The following CNTNAP5 variants were observed in gnomAD, a reference collection of about 807,000 sequenced individuals.
The protein encoded by CNTNAP5 is contactin-associated protein-like 5.
CNTNAP5 carries 72 observed loss-of-function variants against 150.2 expected under a neutral mutation model. That is an observed-to-expected ratio of 0.48 (90% CI 0.40 to 0.58). The LOEUF (loss-of-function observed/expected upper bound fraction) is 0.58. CNTNAP5 is among the 20% of genes least tolerant of loss of function. The pLI is 0.00. For missense variants in CNTNAP5, 1,636 were observed against 1,626.2 expected (o/e 1.01, Z -0.10); for synonymous variants, 672 against 619.8 (o/e 1.08, Z -1.25).
intron 6 of CNTNAP5, among the ~76,000 whole-genome samples, chr2:124,450,877 T>A (rs1398082334): frequency 6.6e-6 from 1 of 150,760 alleles, no homozygotes; most frequent in Non-Finnish European, 1.5e-5. Context: ...AAAATATATA[T>A]GATTCAGGAG....
chr2:124,677,319 T>C (rs1413025303), intron 13 of CNTNAP5, among the ~76,000 whole-genome samples: 1 of 152,018 alleles, frequency 6.6e-6, no homozygotes, highest in Non-Finnish European at 1.5e-5. Flanking sequence ...CTGTGGTGAG[T>C]GTTACAGCTC....
In CNTNAP5 at chr2:124,778,874, C is replaced by T. The variant is rs75730405; in HGVS notation, c.2752+5857C>T. On this transcript the variant is annotated intron_variant, in intron 17 of 23. Transcript: ENST00000682447. ...AAAAAAAAAAGAGTTTCTTCTGAAC[C>T]TGGAAGAAAGGGATGTGGATTCAAA... Among the ~76,000 whole-genome samples, 115 of 152,060 alleles carry T rather than the reference C, an allele frequency of 7.6e-4. 1 individual carries two copies. The East Asian group carries it at 0.014, about 19-fold the overall frequency.
intron 13 of CNTNAP5, among the ~76,000 whole-genome samples, chr2:124,677,068 G>A (rs968605834): frequency 6.6e-6 from 1 of 152,156 alleles, no homozygotes; most frequent in African/African-American, 2.4e-5. Flanking sequence ...TAAAGCTGCA[G>A]ACCCTCGTGG....
rs568018757 is a variant in CNTNAP5 at position 124,545,000 on chromosome 2, C to T, written c.1649+17544C>T. On this transcript the variant is annotated intron_variant, in intron 10 of 23. Coordinates refer to ENST00000682447, the MANE Select transcript of CNTNAP5 (RefSeq NM_001367498.1). ...ACATCCTTGCAAAGAAGTGATTTAACGATTACTAGATCAAAATGTCAAAAA... is the reference window on the plus strand; with the variant it reads ...ACATCCTTGCAAAGAAGTGATTTAATGATTACTAGATCAAAATGTCAAAAA... Among the ~76,000 whole-genome samples, 36 of 152,114 alleles carry T rather than the reference C, an allele frequency of 2.4e-4. No individual in the cohort carries two copies. In the East Asian group the frequency reaches 3.7e-3, roughly 15 times the overall value.
At chr2:124,433,935 C>T (rs1050004909) in intron 4 of CNTNAP5, among the ~76,000 whole-genome samples, 1 of 152,118 alleles carries the variant, frequency 6.6e-6, no homozygotes, top group Non-Finnish European at 1.5e-5. Context: ...ATACATTTGC[C>T]CTCTTTGTTC....
intron 3 of CNTNAP5, among the ~76,000 whole-genome samples, chr2:124,352,577 T>A (rs1689897070): frequency 1.3e-5 from 2 of 152,224 alleles, no homozygotes; most frequent in Admixed American, 1.3e-4. Context: ...TTACATGACA[T>A]TTCTCAGCTT....
At chr2:124,105,981 T>G (rs1683163080) in intron 1 of CNTNAP5, among the ~76,000 whole-genome samples, 1 of 152,200 alleles carries the variant, frequency 6.6e-6, no homozygotes, top group South Asian at 2.1e-4. Context: ...TGCTTAAATC[T>G]TTTGTATATG....
At chr2:124,582,995 C>T (rs543826105) in intron 11 of CNTNAP5, among the ~76,000 whole-genome samples, 1 of 151,798 alleles carries the variant, frequency 6.6e-6, no homozygotes, top group African/African-American at 2.4e-5. Context: ...TTAAAAAAGG[C>T]TTTTTTTTCC....
Position 124,917,644 on chromosome 2 carries a change from G to A in CNTNAP5, c.*3356G>A, listed in dbSNP as rs953359236. 2.0e-5 allele frequency among the ~76,000 whole-genome samples: 3 copies of A among 151,972 alleles called. No individual in the cohort carries two copies. The highest frequency in any genetic ancestry group is 2.9e-5 in the Non-Finnish European group (2 of 67,978). ...TTTTGTCAGACTCATCTCCACCAAC[G>A]GGTAGCAAGAGCAGGATAGAACAAA... is the stretch of plus-strand genomic sequence containing the variant. On this transcript the variant is annotated 3_prime_UTR_variant, in exon 24 of 24. Transcript: ENST00000682447.
intron 1 of CNTNAP5, among the ~76,000 whole-genome samples, chr2:124,033,982 A>G (rs946724105): frequency 1.3e-5 from 2 of 151,974 alleles, no homozygotes; most frequent in African/African-American, 4.8e-5. Flanking sequence ...TAATGTTTTG[A>G]ATCTGGAAGG....
chr2:124,144,082 C>T (rs1251801918), intron 1 of CNTNAP5, among the ~76,000 whole-genome samples: 1 of 142,590 alleles, frequency 7.0e-6, no homozygotes, highest in Non-Finnish European at 1.5e-5. Context: ...ATCCAACTTA[C>T]AAGGGATGTG....
chr2:124,126,343 C>T (rs898974255), intron 1 of CNTNAP5, among the ~76,000 whole-genome samples: 4 of 152,170 alleles, frequency 2.6e-5, no homozygotes, highest in South Asian at 4.2e-4. Flanking sequence ...ATACACCCTC[C>T]CAAGACTAAA....
chr2:124,301,327 A>G (rs1688563580), intron 3 of CNTNAP5, among the ~76,000 whole-genome samples: 1 of 152,238 alleles, frequency 6.6e-6, no homozygotes, highest in African/African-American at 2.4e-5. Flanking sequence ...TTTGCGAACT[A>G]ACATTGCACT....
At chr2:124,184,744 G>C (rs1188017859) in intron 1 of CNTNAP5, among the ~76,000 whole-genome samples, 1 of 152,166 alleles carries the variant, frequency 6.6e-6, no homozygotes, top group Non-Finnish European at 1.5e-5. Flanking sequence ...GAGAGGCACA[G>C]CCTGAAGAGA....
At chr2:124,908,645 A>G (rs984303921) in intron 22 of CNTNAP5, among the ~76,000 whole-genome samples, 5 of 152,232 alleles carry the variant, frequency 3.3e-5, no homozygotes, top group African/African-American at 1.2e-4. Context: ...TAAAAGCCTC[A>G]GGCATTTTCT....
intron 19 of CNTNAP5, among the ~76,000 whole-genome samples, chr2:124,817,251 G>A (rs539694356): frequency 5.3e-5 from 8 of 152,300 alleles, no homozygotes; most frequent in African/African-American, 1.9e-4. Context: ...AACTTTGGAG[G>A]TAGGGAGAAT....
At chr2:124,700,617 T>C (rs1679501292) in intron 13 of CNTNAP5, among the ~76,000 whole-genome samples, 1 of 152,142 alleles carries the variant, frequency 6.6e-6, no homozygotes, top group South Asian at 2.1e-4. Flanking sequence ...GCATTGAACA[T>C]CCTTTCATGG....
intron 2 of CNTNAP5, among the ~76,000 whole-genome samples, chr2:124,235,772 C>T (rs939582820): frequency 5.9e-5 from 9 of 152,050 alleles, no homozygotes; most frequent in Non-Finnish European, 1.0e-4. Flanking sequence ...CTATAATAAC[C>T]GGGTCTGATT....
chr2:124,572,082 G>A (rs906788232), intron 11 of CNTNAP5, among the ~76,000 whole-genome samples: 10 of 152,148 alleles, frequency 6.6e-5, no homozygotes, highest in African/African-American at 2.4e-4. Context: ...TCAGGATCTA[G>A]GTGATTCAAA....
Sources: allele counts gnomAD v4.1 joint callset (sites outside exome capture counted in the v4.1 genomes callset), GRCh38; gene constraint gnomAD v4.1.1; transcripts MANE v1.5; gene names NCBI Gene and HGNC (gene_info 2026-07-23, HGNC 2026-07-21).